Variants in CNTNAP2 observed in about 807,000 individuals in gnomAD.
The protein encoded by CNTNAP2 is contactin-associated protein-like 2.
Under a neutral mutation model 155.2 loss-of-function variants are expected in CNTNAP2, and 98 were observed. The observed-to-expected ratio is 0.63, with a 90% CI of 0.54 to 0.75. The LOEUF (loss-of-function observed/expected upper bound fraction) is 0.75. CNTNAP2 is among the 30% of genes least tolerant of loss of function. The pLI is 0.00. For synonymous variants in CNTNAP2, 651 were observed against 631.2 expected (o/e 1.03, Z -0.47); for missense variants, 1,727 against 1,688.1 (o/e 1.02, Z -0.40).
At chr7:148,347,278 CAAAA>C (rs1798345211) in intron 21 of CNTNAP2, among the ~76,000 whole-genome samples, 1 of 149,356 alleles carries the variant, frequency 6.7e-6, no homozygotes, top group Non-Finnish European at 1.5e-5. Context: ...AAAGAGAAAA[CAAAA>C]AACCAACTAT....
chr7:146,624,504 G>T (rs1368358029), intron 1 of CNTNAP2, among the ~76,000 whole-genome samples: 1 of 151,938 alleles, frequency 6.6e-6, no homozygotes, highest in Non-Finnish European at 1.5e-5. Flanking sequence ...AAAGCAGAAA[G>T]ATTATCCTCT....
At chr7:147,772,208 G>C (rs1309108236) in intron 13 of CNTNAP2, among the ~76,000 whole-genome samples, 1 of 151,232 alleles carries the variant, frequency 6.6e-6, no homozygotes, top group Admixed American at 6.6e-5. Context: ...GGTGGATCAC[G>C]AGGTCAGGAA....
At chr7:146,647,652 G>A (rs1799837232) in intron 1 of CNTNAP2, among the ~76,000 whole-genome samples, 1 of 152,102 alleles carries the variant, frequency 6.6e-6, no homozygotes, top group Non-Finnish European at 1.5e-5. Flanking sequence ...CATGGTGGCT[G>A]CGAAAAGAAA....
chr7:146,658,179 T>C (rs528638812), intron 1 of CNTNAP2, among the ~76,000 whole-genome samples: 5 of 152,280 alleles, frequency 3.3e-5, no homozygotes, highest in Admixed American at 6.5e-5. Flanking sequence ...TTGCATAGCG[T>C]CCTCTGCATT....
At chr7:147,198,432 G>A (rs574718668) in intron 8 of CNTNAP2, among the ~76,000 whole-genome samples, 179 of 151,922 alleles carry the variant, frequency 1.2e-3, no homozygotes, top group Non-Finnish European at 2.3e-3. Context: ...GGGTTTCACC[G>A]TTTTGGTCAG....
intron 2 of CNTNAP2, among the ~76,000 whole-genome samples, chr7:146,798,680 A>G (rs758296217): frequency 6.6e-6 from 1 of 152,138 alleles, no homozygotes; most frequent in Non-Finnish European, 1.5e-5. Flanking sequence ...CAATTATGAC[A>G]TGAAATATTT....
chr7:147,370,007 C>T (rs1012357652), intron 9 of CNTNAP2, among the ~76,000 whole-genome samples: 16 of 152,132 alleles, frequency 1.1e-4, no homozygotes, highest in African/African-American at 3.6e-4. Flanking sequence ...GCCCTTGTTG[C>T]TTCCTGTAGT....
intron 14 of CNTNAP2, among the ~76,000 whole-genome samples, chr7:147,921,055 C>T (rs1342229602): frequency 2.6e-5 from 4 of 152,010 alleles, no homozygotes; most frequent in East Asian, 1.9e-4. Flanking sequence ...GTGATCTGCC[C>T]ACCTCGGCCT....
intron 11 of CNTNAP2, among the ~76,000 whole-genome samples, chr7:147,495,498 G>A (rs546939905): frequency 1.2e-4 from 19 of 152,282 alleles, no homozygotes; most frequent in African/African-American, 4.3e-4. Flanking sequence ...AAGAATAATA[G>A]TATGTGCCTG....
intron 1 of CNTNAP2, among the ~76,000 whole-genome samples, chr7:146,758,427 A>G (rs888797275): frequency 6.6e-6 from 1 of 152,108 alleles, no homozygotes. Context: ...TGATCTCCTG[A>G]GTTCTGGTCT....
intron 2 of CNTNAP2, among the ~76,000 whole-genome samples, chr7:146,782,702 T>C (rs1455001162): frequency 6.6e-6 from 1 of 152,184 alleles, no homozygotes; most frequent in African/African-American, 2.4e-5. Context: ...GTCCCTCTAC[T>C]TGTAGTTTAA....
intron 6 of CNTNAP2, among the ~76,000 whole-genome samples, chr7:147,127,692 C>T (rs1438693976): frequency 6.6e-6 from 1 of 152,082 alleles, no homozygotes; most frequent in Non-Finnish European, 1.5e-5. Context: ...ATTAGGCTGT[C>T]ATTGATTCTT....
intron 10 of CNTNAP2, among the ~76,000 whole-genome samples, chr7:147,432,257 T>C (rs1052985726): frequency 1.3e-4 from 20 of 152,104 alleles, no homozygotes; most frequent in South Asian, 2.1e-4. Context: ...ACCCACTAGA[T>C]GGCATAGCAC....
At chr7:146,229,394 G>C (rs530134989) in intron 1 of CNTNAP2, among the ~76,000 whole-genome samples, 1 of 152,042 alleles carries the variant, frequency 6.6e-6, no homozygotes, top group South Asian at 2.1e-4. Context: ...CAGATGCTAC[G>C]AGGACACCCC....
chr7:147,142,928 C>T lies in CNTNAP2; in HGVS notation c.1348+10419C>T, dbSNP rs80196602. On this transcript the variant is annotated intron_variant, in intron 8 of 23. Coordinates refer to ENST00000361727, the MANE Select transcript of CNTNAP2 (RefSeq NM_014141.6). ...TCCATCCTAGCAAACTGCCATTTAT[C>T]ATTTATTGCCCAATTTTAGTATACT... Among the ~76,000 whole-genome samples, 389 of 152,218 alleles carry T rather than the reference C, an allele frequency of 2.6e-3. 3 individuals carry two copies. The highest frequency in any genetic ancestry group is 8.9e-3 in the African/African-American group (369 of 41,548).
At chr7:146,369,094 T>C in intron 1 of CNTNAP2, among the ~76,000 whole-genome samples, 1 of 149,240 alleles carries the variant, frequency 6.7e-6, no homozygotes, top group East Asian at 1.9e-4. Flanking sequence ...TTTTTGTGAA[T>C]CAGTCTCATT....
intron 13 of CNTNAP2, among the ~76,000 whole-genome samples, chr7:147,642,287 T>TCTTC (rs1584875035): frequency 1.3e-5 from 2 of 152,282 alleles, no homozygotes; most frequent in South Asian, 2.1e-4. Flanking sequence ...TTTCTTTCTT[T>TCTTC]CTTGTATTAA....
At chr7:147,151,763 A>G (rs189495115) in intron 8 of CNTNAP2, among the ~76,000 whole-genome samples, 1 of 152,294 alleles carries the variant, frequency 6.6e-6, no homozygotes. Flanking sequence ...TTGCAAATCC[A>G]AAAAAGGATA....
At chr7:147,819,644 A>C (rs1798331689) in intron 13 of CNTNAP2, among the ~76,000 whole-genome samples, 1 of 152,202 alleles carries the variant, frequency 6.6e-6, no homozygotes. Flanking sequence ...ACCCATCAAG[A>C]TAATAGAACA....
Sources: allele counts gnomAD v4.1 joint callset (sites outside exome capture counted in the v4.1 genomes callset), GRCh38; gene constraint gnomAD v4.1.1; transcripts MANE v1.5; gene names NCBI Gene and HGNC (gene_info 2026-07-23, HGNC 2026-07-21).